Variants in TMEM26 observed in about 807,000 individuals in gnomAD.
TMEM26 encodes the protein transmembrane protein 26.
TMEM26 carries 38 observed loss-of-function variants against 28.8 expected under a neutral mutation model. That is an observed-to-expected ratio of 1.32 (90% CI 1.02 to 1.73). TMEM26 has a LOEUF of 1.73. Ranked by LOEUF, TMEM26 falls within the 40% of genes most tolerant of loss-of-function variation. The pLI, the probability that TMEM26 is intolerant of heterozygous loss-of-function variation, is 0.00. For missense variants in TMEM26, 518 were observed against 447.1 expected (o/e 1.16, Z -1.43); for synonymous variants, 227 against 182.9 (o/e 1.24, Z -1.95).
intron 4 of TMEM26, chr10:61,416,256 G>C: frequency 2.7e-6 from 1 of 365,620 alleles, no homozygotes; most frequent in South Asian, 2.2e-5. Context: ...TGTGCAATTT[G>C]CCTGCAAGGC....
At position 61,410,300 on chromosome 10, in the gene TMEM26, G is replaced by T. The variant is rs573561929; in HGVS notation, c.*22C>A. 2.5e-6 allele frequency: 4 copies of T among 1,584,012 alleles called. No homozygotes were observed. The East Asian group carries it at 6.8e-5, about 27-fold the overall frequency. ...AGAACCAGGGAGTCAGGTTCTAGCC[G>T]CAGACCACTGTCAATCAATAACTAA... On this transcript the variant is annotated 3_prime_UTR_variant, in exon 6 of 6. Transcript: ENST00000399298.
chr10:61,443,125 G>A (rs984853550), intron 1 of TMEM26, among the ~76,000 whole-genome samples: 10 of 152,002 alleles, frequency 6.6e-5, no homozygotes, highest in Non-Finnish European at 7.4e-5. Flanking sequence ...CCCCCAAAAT[G>A]GAAAATTGAA....
intron 1 of TMEM26, among the ~76,000 whole-genome samples, chr10:61,449,305 C>T (rs1321073965): frequency 1.3e-5 from 2 of 151,944 alleles, no homozygotes; most frequent in South Asian, 2.1e-4. Flanking sequence ...TTTAGCTTAA[C>T]GGGGGACATG....
intron 5 of TMEM26, among the ~76,000 whole-genome samples, chr10:61,411,076 G>A (rs773084984): frequency 9.2e-5 from 14 of 152,156 alleles, no homozygotes; most frequent in Non-Finnish European, 1.6e-4. Context: ...GCTGCACCAT[G>A]GGGGGAATAA....
intron 4 of TMEM26, chr10:61,414,857 C>T (rs1199799079): frequency 5.8e-6 from 2 of 346,678 alleles, no homozygotes; most frequent in Admixed American, 1.3e-4. Flanking sequence ...TGATGACAGA[C>T]ATTCAGATTT....
chr10:61,423,364 A>T (rs1839778941), intron 4 of TMEM26, among the ~76,000 whole-genome samples: 1 of 152,214 alleles, frequency 6.6e-6, no homozygotes, highest in Admixed American at 6.5e-5. Context: ...ATTACCAAAG[A>T]CAGAAAAAGA....
Position 61,429,162 on chromosome 10 carries a change from G to A in TMEM26, c.385-16C>T. ...AAACTTTGGCCTGTTTAACAGAAAT[G>A]TCATACAGACAGGATTATCAGCCAC... On this transcript the variant is annotated splice_polypyrimidine_tract_variant and intron_variant, in intron 3 of 5. Coordinates refer to ENST00000399298, the MANE Select transcript of TMEM26 (RefSeq NM_178505.8). The A allele has an allele frequency of 6.2e-7, 1 of 1,602,988 alleles. No individual in the cohort carries two copies. Among genetic ancestry groups the A allele is most frequent in the African/African-American group, 1.3e-5 (1 of 74,810 alleles).
At chr10:61,438,160 C>T (rs535695401) in intron 1 of TMEM26, among the ~76,000 whole-genome samples, 32 of 152,136 alleles carry the variant, frequency 2.1e-4, no homozygotes, top group African/African-American at 6.7e-4. Context: ...AATATAGATA[C>T]TCCCCCACCT....
chr10:61,429,712 C>A (rs544101594), intron 3 of TMEM26, among the ~76,000 whole-genome samples: 1 of 152,028 alleles, frequency 6.6e-6, no homozygotes, highest in South Asian at 2.1e-4. Context: ...TATTTTTATT[C>A]TGAGTACTTA....
intron 4 of TMEM26, among the ~76,000 whole-genome samples, chr10:61,422,824 A>G (rs897575096): frequency 6.6e-5 from 10 of 152,144 alleles, no homozygotes; most frequent in Non-Finnish European, 1.3e-4. Flanking sequence ...AAACATCAGA[A>G]CAGAAACCAG....
chr10:61,442,908 T>C (rs775848555), intron 1 of TMEM26, among the ~76,000 whole-genome samples: 22 of 152,180 alleles, frequency 1.4e-4, no homozygotes, highest in Non-Finnish European at 2.9e-4. Flanking sequence ...TCTACCTCTC[T>C]TCAACTCCTC....
intron 1 of TMEM26, among the ~76,000 whole-genome samples, chr10:61,449,722 G>C (rs1371795799): frequency 6.6e-6 from 1 of 152,020 alleles, no homozygotes; most frequent in Non-Finnish European, 1.5e-5. Flanking sequence ...TTCATGTTTA[G>C]TCAATCATTC....
chr10:61,439,938 TCAAAA>T (rs2135325580), intron 1 of TMEM26, among the ~76,000 whole-genome samples: 1 of 152,262 alleles, frequency 6.6e-6, no homozygotes, highest in African/African-American at 2.4e-5. Context: ...ACCATGATTC[TCAAAA>T]CTAAACCTAT....
At chr10:61,440,842 G>A (rs978621975) in intron 1 of TMEM26, among the ~76,000 whole-genome samples, 28 of 152,184 alleles carry the variant, frequency 1.8e-4, no homozygotes, top group Admixed American at 1.7e-3. Flanking sequence ...TCATCCCTTA[G>A]TATCTGGGGG....
rs1245497923 is a variant in TMEM26 at position 61,407,284 on chromosome 10, T to C, written c.*3038A>G. On this transcript the variant is annotated 3_prime_UTR_variant, in exon 6 of 6. Transcript: ENST00000399298. The stretch of plus-strand genomic sequence containing the variant: ...AATAATGAGTTAACAATTAGTATTA[T>C]AATAGTGAATCCTGCTATTCCTTGG... 6.6e-6 allele frequency: 1 copy of C among 152,202 alleles called. No homozygotes were observed. Among genetic ancestry groups the C allele is most frequent in the Non-Finnish European group, 1.5e-5 (1 of 68,030 alleles). 9.4% of individuals were successfully genotyped at this position (152,202 alleles called of 1,614,324 possible).
chr10:61,413,339 C>A, intron 5 of TMEM26, 120 bp downstream of exon 5: 4 of 1,457,520 alleles, frequency 2.7e-6, no homozygotes, highest in Non-Finnish European at 3.6e-6. Context: ...CTAAGCTGAA[C>A]TAGAACTAAT....
At chr10:61,415,986 G>C (rs1774212502) in intron 4 of TMEM26, 1 of 395,816 alleles carries the variant, frequency 2.5e-6, no homozygotes, top group African/African-American at 2.1e-5. Flanking sequence ...CAGGCTCAAA[G>C]GATTTCAGTT....
chr10:61,444,154 C>T (rs1030376062), intron 1 of TMEM26, among the ~76,000 whole-genome samples: 3 of 152,166 alleles, frequency 2.0e-5, no homozygotes, highest in African/African-American at 7.2e-5. Context: ...AGGCTTTCCA[C>T]ACTCTTGGAC....
At chr10:61,421,905 T>C (rs1341098634) in intron 4 of TMEM26, among the ~76,000 whole-genome samples, 1 of 152,096 alleles carries the variant, frequency 6.6e-6, no homozygotes, top group Admixed American at 6.5e-5. Flanking sequence ...AAGATCCAAC[T>C]ATAAGCTGTT....
Sources: gnomAD v4.1 joint callset for allele counts (sites outside exome capture counted in the v4.1 genomes callset) on GRCh38, gnomAD v4.1.1 for gene constraint, MANE v1.5 for transcripts, NCBI Gene and HGNC (gene_info 2026-07-23, HGNC 2026-07-21) for gene names.